The following KCNIP3 variants were observed in gnomAD, a reference collection of about 807,000 sequenced individuals.
KCNIP3 encodes the protein potassium voltage-gated channel interacting protein 3.
In KCNIP3, 28 loss-of-function variants were observed where a neutral mutation model predicts 35.0. The ratio of observed to expected loss-of-function variants is 0.80; its 90% CI spans 0.59 to 1.10. The LOEUF (loss-of-function observed/expected upper bound fraction) is 1.10. Ranked by LOEUF, KCNIP3 falls within the 50% of genes least tolerant of loss-of-function variation. The probability of loss-of-function intolerance (pLI) is 0.00; values close to 1 mark genes in which losing one functional copy is unlikely to be tolerated. For synonymous variants in KCNIP3, 134 were observed against 133.8 expected (o/e 1.00, Z -0.01); for missense variants, 295 against 338.4 (o/e 0.87, Z 1.01).
chr2:95,378,328 A>G lies in KCNIP3; in HGVS notation c.447+3120A>G, dbSNP rs1364966584. ...ATTGTTGTAGATGCAAGGTCTCACT[A>G]TGTTGTCCAGGCTAGTCTTGAAATC... On this transcript the variant is annotated intron_variant, in intron 5 of 8. Transcript: ENST00000295225. The surrounding 1 kb of genome is among the most constrained non-coding windows in gnomAD (Gnocchi z 4.0). 6.6e-6 allele frequency among the ~76,000 whole-genome samples: 1 copy of G among 151,902 alleles called. No individual in the cohort carries two copies. Among genetic ancestry groups the G allele is most frequent in the Non-Finnish European group, 1.5e-5 (1 of 67,994 alleles).
At chr2:95,365,848 T>A (rs1454502043) in intron 2 of KCNIP3, among the ~76,000 whole-genome samples, 1 of 152,254 alleles carries the variant, frequency 6.6e-6, no homozygotes, top group Non-Finnish European at 1.5e-5. Flanking sequence ...TCTCATTTTT[T>A]CTAATTTAAA....
chr2:95,380,908 G>A (rs866117046), intron 5 of KCNIP3, among the ~76,000 whole-genome samples: 30 of 152,194 alleles, frequency 2.0e-4, no homozygotes, highest in South Asian at 2.1e-4. Context: ...AGCTACTCAG[G>A]AGGCTGAGGT....
At chr2:95,363,669 T>A (rs1183423888) in intron 2 of KCNIP3, among the ~76,000 whole-genome samples, 1 of 152,216 alleles carries the variant, frequency 6.6e-6, no homozygotes, top group Non-Finnish European at 1.5e-5. Context: ...ACTTACAGAT[T>A]ACTTTGGGGA....
At chr2:95,380,543 C>T (rs1001287386) in intron 5 of KCNIP3, among the ~76,000 whole-genome samples, 4 of 152,194 alleles carry the variant, frequency 2.6e-5, no homozygotes, top group African/African-American at 9.7e-5. Flanking sequence ...GAGGGTTTCA[C>T]CTTTAAACCT....
At chr2:95,310,323 G>T in intron 1 of KCNIP3, 32 bp from the exon 2 acceptor site, 1 of 1,612,752 alleles carries the variant, frequency 6.2e-7, no homozygotes. Flanking sequence ...CTGAGCAGGG[G>T]CTCAGGGCTG....
chr2:95,331,779 G>T (rs1678938763), intron 2 of KCNIP3, among the ~76,000 whole-genome samples: 2 of 152,178 alleles, frequency 1.3e-5, no homozygotes, highest in Admixed American at 1.3e-4. Context: ...AATACCCACT[G>T]GCCAGGGCAG....
intron 2 of KCNIP3, among the ~76,000 whole-genome samples, chr2:95,325,974 CAT>C (rs1678759424): frequency 2.0e-5 from 3 of 151,374 alleles, no homozygotes; most frequent in Admixed American, 6.6e-5. Context: ...CATAGGCACA[CAT>C]ACACTCCTAC....
chr2:95,379,858 G>T (rs528166884), intron 5 of KCNIP3, among the ~76,000 whole-genome samples: 66 of 152,304 alleles, frequency 4.3e-4, no homozygotes, highest in African/African-American at 1.5e-3. Context: ...AGGATCCTCT[G>T]CACCCAATTT....
intron 1 of KCNIP3, among the ~76,000 whole-genome samples, chr2:95,304,162 A>G (rs1678116035): frequency 6.6e-6 from 1 of 152,184 alleles, no homozygotes; most frequent in African/African-American, 2.4e-5. Flanking sequence ...AGAGAGAAAC[A>G]TACACTTCCT....
At chr2:95,301,013 G>T (rs972059228) in intron 1 of KCNIP3, among the ~76,000 whole-genome samples, 1 of 152,246 alleles carries the variant, frequency 6.6e-6, no homozygotes, top group Non-Finnish European at 1.5e-5. Flanking sequence ...TGCCAGGGTA[G>T]GCAAGGGACA....
intron 3 of KCNIP3, 104 bp from the exon 4 acceptor site, chr2:95,374,744 C>T (rs1363364653): frequency 7.5e-7 from 1 of 1,332,856 alleles, no homozygotes; most frequent in Non-Finnish European, 1.0e-6. Context: ...CCACAGGCAG[C>T]AGGCAGCCCC....
chr2:95,361,487 T>C (rs1490411915), intron 2 of KCNIP3, among the ~76,000 whole-genome samples: 2 of 152,214 alleles, frequency 1.3e-5, no homozygotes, highest in African/African-American at 2.4e-5. Flanking sequence ...CATGCCCACA[T>C]GTGCCTTGGC....
At chr2:95,342,180 GGGCCC>G (rs1165781011) in intron 2 of KCNIP3, among the ~76,000 whole-genome samples, 1 of 152,138 alleles carries the variant, frequency 6.6e-6, no homozygotes, top group East Asian at 1.9e-4. Context: ...GAGAGAGGAG[GGGCCC>G]GGCCATGGGG....
intron 2 of KCNIP3, among the ~76,000 whole-genome samples, chr2:95,328,971 G>A (rs1207464956): frequency 6.6e-6 from 1 of 152,224 alleles, no homozygotes; most frequent in African/African-American, 2.4e-5. Flanking sequence ...CAGAGGAGGG[G>A]AGGGCAGAGA....
chr2:95,383,971 C>A (rs781333024), intron 8 of KCNIP3, 31 bp from the exon 9 acceptor site: 1 of 1,611,430 alleles, frequency 6.2e-7, no homozygotes, highest in East Asian at 2.2e-5. Flanking sequence ...CCACCCAGCA[C>A]CTGAAGGCCT....
intron 2 of KCNIP3, among the ~76,000 whole-genome samples, chr2:95,367,621 T>A (rs1234225902): frequency 6.6e-6 from 1 of 152,236 alleles, no homozygotes; most frequent in African/African-American, 2.4e-5. Flanking sequence ...GTATTTCATT[T>A]GTGAGATGAG....
Position 95,319,606 on chromosome 2 carries a change from G to A in KCNIP3, c.181+9086G>A, listed in dbSNP as rs537237314. ...GTGACCCCAAGCATCCCTCCTGCCCGCCCTTGGCCTGGCTCCTTATCTTCC... is the reference window on the plus strand; with the variant it reads ...GTGACCCCAAGCATCCCTCCTGCCCACCCTTGGCCTGGCTCCTTATCTTCC... On this transcript the variant is annotated intron_variant, in intron 2 of 8. Coordinates refer to ENST00000295225, the MANE Select transcript of KCNIP3 (RefSeq NM_013434.5). Among the ~76,000 whole-genome samples the A allele has an allele frequency of 1.7e-4, 26 of 152,234 alleles. 1 individual carries two copies. In the South Asian group the frequency reaches 3.7e-3, roughly 22 times the overall value.
chr2:95,372,206 ACCATCCATCCAT>A (rs139014615), intron 2 of KCNIP3, among the ~76,000 whole-genome samples: 16 of 152,058 alleles, frequency 1.1e-4, no homozygotes, highest in African/African-American at 3.1e-4. Context: ...AAGGATTCTT[ACCATCCATCCAT>A]CCATCCATCC....
At chr2:95,308,493 A>G (rs1678232813) in intron 1 of KCNIP3, among the ~76,000 whole-genome samples, 1 of 152,200 alleles carries the variant, frequency 6.6e-6, no homozygotes, top group African/African-American at 2.4e-5. Context: ...CCCATCCCGA[A>G]TGTGGATAGG....
Sources: allele counts gnomAD v4.1 joint callset (sites outside exome capture counted in the v4.1 genomes callset), GRCh38; gene constraint gnomAD v4.1.1; non-coding constraint Gnocchi (gnomAD v3.1); transcripts MANE v1.5; gene names NCBI Gene and HGNC (gene_info 2026-07-23, HGNC 2026-07-21).